Variants in CHN1 observed in about 807,000 individuals in gnomAD.
CHN1 encodes chimerin 1.
A neutral mutation model predicts 59.5 loss-of-function variants in CHN1; 37 were observed. The observed-to-expected ratio is 0.62, with a 90% CI of 0.48 to 0.82. The LOEUF (loss-of-function observed/expected upper bound fraction) is 0.82. Ranked by LOEUF, CHN1 falls within the 40% of genes least tolerant of loss-of-function variation. CHN1 has a pLI of 0.00. For synonymous variants in CHN1, 206 were observed against 200.4 expected (o/e 1.03, Z -0.24); for missense variants, 469 against 571.0 (o/e 0.82, Z 1.82).
intron 1 of CHN1, among the ~76,000 whole-genome samples, chr2:174,987,287 G>GTT (rs1267696209): frequency 6.6e-6 from 1 of 151,888 alleles, no homozygotes; most frequent in African/African-American, 2.4e-5. Context: ...CTCTAGTATG[G>GTT]TTTTATTATT....
chr2:174,898,661 A>G lies in CHN1; in HGVS notation c.260+16397T>C, dbSNP rs745815532. Among the ~76,000 whole-genome samples, 4 of 152,144 alleles carry G rather than the reference A, an allele frequency of 2.6e-5. No homozygotes were observed. The South Asian group carries it at 6.2e-4, about 24-fold the overall frequency. On this transcript the variant is annotated intron_variant, in intron 5 of 12. Transcript: ENST00000409900. ...GTTACTTGTAGTCAAACCTAATTCC[A>G]GTTCTCATTCCCTACTGCAAAGATA...
At chr2:174,866,784 T>C (rs1687230126) in intron 6 of CHN1, among the ~76,000 whole-genome samples, 1 of 152,236 alleles carries the variant, frequency 6.6e-6, no homozygotes, top group South Asian at 2.1e-4. Context: ...GTACAAACTT[T>C]CTATATTCAG....
chr2:174,831,585 T>C (rs1457023455), intron 7 of CHN1, among the ~76,000 whole-genome samples: 4 of 152,168 alleles, frequency 2.6e-5, no homozygotes, highest in Non-Finnish European at 5.9e-5. Flanking sequence ...ACAATAAATA[T>C]AACCATTAAT....
At chr2:174,938,514 C>T (rs1358442549) in intron 3 of CHN1, among the ~76,000 whole-genome samples, 1 of 152,100 alleles carries the variant, frequency 6.6e-6, no homozygotes, top group Non-Finnish European at 1.5e-5. Context: ...AGGAAGACCA[C>T]TTATGCCTGT....
chr2:174,971,287 C>G (rs555513781), intron 1 of CHN1, among the ~76,000 whole-genome samples: 19 of 152,280 alleles, frequency 1.2e-4, no homozygotes, highest in Non-Finnish European at 2.2e-4. Context: ...CACTGCACTC[C>G]AGCCTGGGTG....
intron 1 of CHN1, among the ~76,000 whole-genome samples, chr2:175,001,513 G>T (rs1691888032): frequency 6.6e-6 from 1 of 152,118 alleles, no homozygotes; most frequent in South Asian, 2.1e-4. Flanking sequence ...ATGGCAGAAG[G>T]GTCTGAGGAA....
At chr2:174,936,816 A>G (rs1248583040) in intron 3 of CHN1, among the ~76,000 whole-genome samples, 2 of 152,200 alleles carry the variant, frequency 1.3e-5, no homozygotes, top group Non-Finnish European at 2.9e-5. Flanking sequence ...TGTATCATGT[A>G]GCAACATTAT....
chr2:174,999,802 A>C (rs1256593516), intron 1 of CHN1, among the ~76,000 whole-genome samples: 2 of 152,226 alleles, frequency 1.3e-5, no homozygotes. Flanking sequence ...AAAGGCCGGG[A>C]GAGGGAGGAT....
At chr2:174,926,249 G>A (rs1171824676) in intron 3 of CHN1, among the ~76,000 whole-genome samples, 2 of 151,224 alleles carry the variant, frequency 1.3e-5, no homozygotes, top group Admixed American at 1.3e-4. Context: ...TGTCACCCAG[G>A]CTGGAGTGCA....
chr2:174,982,484 G>A (rs1215704308), intron 1 of CHN1, among the ~76,000 whole-genome samples: 9 of 152,056 alleles, frequency 5.9e-5, no homozygotes, highest in African/African-American at 1.2e-4. Context: ...TTTAATGATC[G>A]CCATTCTAAC....
intron 5 of CHN1, among the ~76,000 whole-genome samples, chr2:174,900,108 T>C (rs1014440726): frequency 2.0e-5 from 3 of 152,214 alleles, no homozygotes; most frequent in African/African-American, 7.2e-5. Flanking sequence ...ACAATACAGT[T>C]GGGAAAATAT....
intron 8 of CHN1, among the ~76,000 whole-genome samples, chr2:174,815,604 T>C (rs1355825756): frequency 1.4e-5 from 2 of 147,694 alleles, no homozygotes; most frequent in Admixed American, 1.3e-4. Flanking sequence ...TTTTTTTTTT[T>C]CATTTGTTTC....
At chr2:174,837,332 T>G (rs1263649725) in intron 7 of CHN1, 1 of 152,130 alleles carries the variant, frequency 6.6e-6, no homozygotes, top group Admixed American at 6.5e-5. Context: ...CAAACAAAGG[T>G]AGTTCTAAAA....
intron 5 of CHN1, among the ~76,000 whole-genome samples, chr2:174,885,170 G>A (rs927334062): frequency 2.6e-5 from 4 of 151,078 alleles, no homozygotes; most frequent in African/African-American, 9.7e-5. Flanking sequence ...AGCTACTCAG[G>A]AGGACGAGAC....
chr2:174,969,532 C>T (rs755390090), intron 1 of CHN1, among the ~76,000 whole-genome samples: 5 of 152,176 alleles, frequency 3.3e-5, no homozygotes, highest in Non-Finnish European at 5.9e-5. Context: ...CTCTGCCATT[C>T]ATCAGACATA....
intron 1 of CHN1, among the ~76,000 whole-genome samples, chr2:174,975,348 A>G (rs1690888334): frequency 6.6e-6 from 1 of 152,192 alleles, no homozygotes; most frequent in African/African-American, 2.4e-5. Context: ...AGTACAAGAA[A>G]TCAGTATTCT....
rs750746215 is a variant in CHN1, at chr2:174,801,806, A to G, written c.1109T>C (p.Met370Thr). 6 of 1,611,580 alleles carry G rather than the reference A, an allele frequency of 3.7e-6. No individual in the cohort carries two copies. Among genetic ancestry groups the G allele is most frequent in the African/African-American group, 1.3e-5 (1 of 74,884 alleles). Residue 370 changes from methionine to threonine, a missense_variant, in exon 12 of 13, where the codon ATG becomes ACG. Met to Thr is a moderately conservative substitution (Grantham distance 81). Transcript: ENST00000409900. Reference sequence around the variant, plus strand: ...GGTTTCCAATTGCTCATCCGGATCCATAATTTCTAAAATAGCAAGTCGAAT... The same window carrying G: ...GGTTTCCAATTGCTCATCCGGATCCGTAATTTCTAAAATAGCAAGTCGAAT... ...YPKFIESAKI[M>T]DPDEQLETLH...
intron 1 of CHN1, among the ~76,000 whole-genome samples, chr2:174,993,340 T>C (rs1387417446): frequency 6.6e-6 from 1 of 152,092 alleles, no homozygotes; most frequent in Non-Finnish European, 1.5e-5. Flanking sequence ...GGACAACCTA[T>C]CATGATTATC....
chr2:174,907,533 T>C (rs1688574606), intron 5 of CHN1, among the ~76,000 whole-genome samples: 1 of 152,142 alleles, frequency 6.6e-6, no homozygotes, highest in African/African-American at 2.4e-5. Context: ...TTTGGAGATT[T>C]AGGAGGTATT....
Sources: allele counts gnomAD v4.1 joint callset (sites outside exome capture counted in the v4.1 genomes callset), GRCh38; gene constraint gnomAD v4.1.1; transcripts MANE v1.5; gene names NCBI Gene and HGNC (gene_info 2026-07-23, HGNC 2026-07-21).